The following UBXN6 variants were observed in gnomAD, a reference collection of about 807,000 sequenced individuals.
UBXN6 encodes UBX domain protein 6.
A neutral mutation model predicts 51.4 loss-of-function variants in UBXN6; 44 were observed. That is an observed-to-expected ratio of 0.86 (90% CI 0.67 to 1.10). UBXN6 has a LOEUF of 1.10. Among genes scored for constraint, UBXN6 ranks in the 50% least tolerant of loss-of-function variants. The pLI is 0.00. For missense variants in UBXN6, 672 were observed against 596.1 expected, an observed-to-expected ratio of 1.13 and a Z score of -1.32; for synonymous variants, 316 against 263.2, an observed-to-expected ratio of 1.20 and a Z score of -1.94.
intron 1 of UBXN6, chr19:4,455,374 G>C (rs1974726359): frequency 2.3e-6 from 2 of 864,366 alleles, no homozygotes; most frequent in East Asian, 1.2e-4. Context: ...CCACAGCTGA[G>C]CATCTTGGGT....
In UBXN6 at chr19:4,446,682, G is replaced by A; in HGVS notation, c.738C>T (p.Thr246=). The change falls in exon 8 of 11, where the codon ACC becomes ACT. Residue 246 remains threonine, a synonymous_variant. Coordinates refer to ENST00000301281, the MANE Select transcript of UBXN6 (RefSeq NM_025241.3). ...TCTCCAGGCTCTGGGGCTGGGCCAA[G>A]GTGGTCTCGCTCAGCACGTAGAACT... ...PEEFYVLSET[T]LAQPQSLERH... 6.2e-7 allele frequency: 1 copy of A among 1,611,702 alleles called. No individual in the cohort carries two copies.
intron 1 of UBXN6, 75 bp downstream of exon 1, chr19:4,457,540 C>T (rs1599683822): frequency 7.2e-7 from 1 of 1,397,264 alleles, no homozygotes; most frequent in Non-Finnish European, 9.6e-7. Flanking sequence ...TCTCCCGAGC[C>T]GCCCAAGGCC....
Position 4,454,213 on chromosome 19 carries a change from C to G in UBXN6, c.84-120G>C, listed in dbSNP as rs934867789. On this transcript the variant is annotated intron_variant, in intron 1 of 10. Coordinates refer to ENST00000301281, the MANE Select transcript of UBXN6 (RefSeq NM_025241.3). ...CACCATCAGCCAGACGTGTCCCTGC[C>G]TATGTGGGCCAGGACACCTGGTTCC... The G allele has an allele frequency of 3.4e-6, 4 of 1,164,474 alleles. No individual in the cohort carries two copies. In the Admixed American group the frequency reaches 8.0e-5, roughly 23 times the overall value. The allele number at this position is 1,164,474 out of a possible 1,614,324, so 72.1% of individuals were successfully genotyped here. A position where few individuals can be genotyped will look rare whatever the true frequency, so the allele number is the denominator to read the frequency against.
intron 1 of UBXN6, chr19:4,454,868 T>C (rs1277695415): frequency 6.6e-6 from 1 of 152,256 alleles, no homozygotes; most frequent in African/African-American, 2.4e-5. Flanking sequence ...CTTGGTTTAC[T>C]CCTCCTAACA....
intron 6 of UBXN6, 70 bp downstream of exon 6, chr19:4,447,460 CCCACCGCCTGGTGTGGGCCA>C: frequency 7.0e-7 from 1 of 1,436,798 alleles, no homozygotes; most frequent in Non-Finnish European, 9.8e-7. Context: ...CTCCAGGGAG[CCCACCGCCTGGTGTGGGCCA>C]CCACCGGCTC....
Position 4,446,914 on chromosome 19 carries a change from T to C in UBXN6, c.622A>G (p.Ile208Val), listed in dbSNP as rs750846488. 13 of 1,613,856 alleles carry C rather than the reference T, an allele frequency of 8.1e-6. No individual in the cohort carries two copies. In the Admixed American group the frequency reaches 1.7e-4, roughly 21 times the overall value. The stretch of plus-strand genomic sequence containing the variant: ...TCGTGGGTCCCTTCCAGGCAGTTAA[T>C]GCGCTCCTGGGGGTGGAGATGGGCG... ...KLQNKVFQER[I>V]NCLEGTHEFF... is the part of the protein sequence containing the mutation. Residue 208 changes from isoleucine (I) to valine (V), a missense_variant, in exon 7 of 11, where the codon ATT becomes GTT. Physicochemically the swap from Ile to Val is conservative, Grantham distance 29. Coordinates refer to ENST00000301281, the MANE Select transcript of UBXN6 (RefSeq NM_025241.3).
chr19:4,455,646 G>A (rs2145190380), intron 1 of UBXN6, among the ~76,000 whole-genome samples: 1 of 152,244 alleles, frequency 6.6e-6, no homozygotes, highest in East Asian at 1.9e-4. Flanking sequence ...CCCGTGGCCT[G>A]TCTCCCCTGG....
chr19:4,449,345 C>T (rs1397153439), intron 4 of UBXN6: 2 of 152,976 alleles, frequency 1.3e-5, no homozygotes, highest in African/African-American at 4.8e-5. Context: ...CCACCACCCC[C>T]CACCCTCAAC....
At chr19:4,451,028 GTC>G (rs1306032964) in intron 4 of UBXN6, among the ~76,000 whole-genome samples, 1 of 152,106 alleles carries the variant, frequency 6.6e-6, no homozygotes, top group Non-Finnish European at 1.5e-5. Flanking sequence ...AGTCTGGAGA[GTC>G]TATGGAACTA....
In UBXN6 at chr19:4,448,092, CCT is replaced by C. The variant is rs576574588; in HGVS notation, c.539+224_539+225del. ...CCCAAGGAAGCCAGGGTGGGAAACC[CCT>C]GATTCCTTCAACACCTTCATTTTGC... is the stretch of plus-strand genomic sequence containing the variant. On this transcript the variant is annotated intron_variant, in intron 5 of 10. Coordinates refer to ENST00000301281, the MANE Select transcript of UBXN6 (RefSeq NM_025241.3). 2.6e-4 allele frequency: 154 copies of C among 585,616 alleles called. 1 individual carries two copies. In the East Asian group the frequency reaches 3.4e-3, roughly 13 times the overall value. 36.3% of individuals were successfully genotyped at this position (585,616 alleles called of 1,614,324 possible).
Position 4,445,485 on chromosome 19 carries a change from C to T in UBXN6, c.*13G>A, listed in dbSNP as rs1275653294. On this transcript the variant is annotated 3_prime_UTR_variant, in exon 11 of 11. Transcript: ENST00000301281. ...GACAGACCCACAGGGCTGAGGCCAA[C>T]CCTGCTTTTATTTCACAAGAGCTTC... 4 of 1,613,706 alleles carry T rather than the reference C, an allele frequency of 2.5e-6. No homozygotes were observed. The South Asian group carries it at 4.4e-5, about 18-fold the overall frequency.
chr19:4,453,965 C>T lies in UBXN6; in HGVS notation c.212G>A (p.Trp71Ter), dbSNP rs1246707161. The change falls in exon 2 of 11, where the codon TGG becomes TAG. Residue 71 changes from tryptophan to a stop codon, truncating the protein, a stop_gained. Coordinates refer to ENST00000301281, the MANE Select transcript of UBXN6 (RefSeq NM_025241.3). LOFTEE classifies it high-confidence loss of function. ...ARLEQKQSRA[W>*]GPTSQDTIRN... ...GATGGTGTCCTGCGATGTGGGGCCCCAGGCCCGGGACTGCTTCTGCTCCAG... is the reference window on the plus strand; with the variant it reads ...GATGGTGTCCTGCGATGTGGGGCCCTAGGCCCGGGACTGCTTCTGCTCCAG... 2 of 1,611,202 alleles carry T rather than the reference C, an allele frequency of 1.2e-6. No individual in the cohort carries two copies. Among genetic ancestry groups the T allele is most frequent in the South Asian group, 2.2e-5 (2 of 91,070 alleles).
At chr19:4,453,437 G>C (rs778837233) in intron 3 of UBXN6, 21 bp downstream of exon 3, 1 of 1,611,440 alleles carries the variant, frequency 6.2e-7, no homozygotes, top group Admixed American at 1.7e-5. Context: ...ATGGGACAGT[G>C]CCACCAGTGG....
intron 2 of UBXN6, 63 bp from the exon 3 acceptor site, chr19:4,453,585 C>T: frequency 1.0e-5 from 16 of 1,577,854 alleles, no homozygotes; most frequent in Non-Finnish European, 1.4e-5. Context: ...TGTCCTGGCC[C>T]AAGCCCCCTC....
intron 1 of UBXN6, among the ~76,000 whole-genome samples, chr19:4,455,591 G>A (rs1476679432): frequency 6.6e-6 from 1 of 152,086 alleles, no homozygotes; most frequent in Non-Finnish European, 1.5e-5. Context: ...AAATCCTAAA[G>A]CTTCCCTTGG....
chr19:4,453,502 C>T lies in UBXN6; in HGVS notation c.268G>A (p.Glu90Lys), dbSNP rs568232630. 1.9e-4 allele frequency: 312 copies of T among 1,613,794 alleles called. 3 individuals carry two copies. The South Asian group carries it at 3.1e-3, about 16-fold the overall frequency. ...TCGGGGCTCCCGCTGACGGTGGCTTCGGCTTGAAGTTCCTTTCTCACTGGA... is the reference window on the plus strand; with the variant it reads ...TCGGGGCTCCCGCTGACGGTGGCTTTGGCTTGAAGTTCCTTTCTCACTGGA... ...RNQVRKELQA[E>K]ATVSGSPEAP... The change falls in exon 3 of 11, where the codon GAA becomes AAA. Residue 90 changes from glutamate to lysine, a missense_variant. Transcript: ENST00000301281.
chr19:4,445,704 C>A, intron 10 of UBXN6, 81 bp from the exon 11 acceptor site: 7 of 1,558,452 alleles, frequency 4.5e-6, no homozygotes, highest in Non-Finnish European at 6.1e-6. Context: ...AACCTGGGCG[C>A]GGGGATGCCC....
chr19:4,448,436 A>G, intron 4 of UBXN6, 21 bp from the exon 5 acceptor site: 1 of 1,587,824 alleles, frequency 6.3e-7, no homozygotes, highest in African/African-American at 1.3e-5. Context: ...GGAAGCAGGG[A>G]AAGCCACTCA....
In UBXN6 at chr19:4,446,323, C is replaced by T. The variant is rs774106518; in HGVS notation, c.1011G>A (p.Thr337=). Residue 337 remains threonine (T), a synonymous_variant, in exon 9 of 11, where the codon ACG becomes ACA. Transcript: ENST00000301281. ...EQRGLRKYNY[T]LLRVRLPDGC... is the part of the protein sequence containing the mutation. ...CATCGGGGAGGCGCACGCGCAGCAG[C>T]GTGTAGTTGTACTTGCGCAGCCCCC... 1.6e-5 allele frequency: 25 copies of T among 1,574,556 alleles called. No individual in the cohort carries two copies. Among genetic ancestry groups the T allele is most frequent in the South Asian group, 1.5e-4 (13 of 87,600 alleles).
Sources: allele counts gnomAD v4.1 joint callset (sites outside exome capture counted in the v4.1 genomes callset), GRCh38; gene constraint gnomAD v4.1.1; transcripts MANE v1.5; gene names NCBI Gene and HGNC (gene_info 2026-07-23, HGNC 2026-07-21).